The following SORCS1 variants were observed in gnomAD, a reference collection of about 807,000 sequenced individuals.
SORCS1 encodes sortilin related VPS10 domain containing receptor 1.
SORCS1 carries 60 observed loss-of-function variants against 146.1 expected under a neutral mutation model. The observed-to-expected ratio is 0.41, with a 90% CI of 0.33 to 0.51. SORCS1 has a LOEUF of 0.51. SORCS1 is among the 20% of genes least tolerant of loss of function. SORCS1 has a pLI of 0.21. For missense variants in SORCS1, 1,352 were observed against 1,487.6 expected (o/e 0.91, Z 1.50); for synonymous variants, 637 against 584.0 (o/e 1.09, Z -1.31).
chr10:107,130,184 C>T (rs1369856315), intron 1 of SORCS1, among the ~76,000 whole-genome samples: 1 of 152,120 alleles, frequency 6.6e-6, no homozygotes, highest in African/African-American at 2.4e-5. Context: ...AGTCAAACCA[C>T]CAATAATGAG....
intron 1 of SORCS1, among the ~76,000 whole-genome samples, chr10:107,152,944 G>A (rs143187193): frequency 7.6e-4 from 116 of 151,988 alleles, no homozygotes; most frequent in African/African-American, 2.6e-3. Flanking sequence ...TGGTCTCTCC[G>A]TGTCTCTTTG....
chr10:106,590,642 C>T (rs1439709212), intron 24 of SORCS1, among the ~76,000 whole-genome samples: 1 of 152,074 alleles, frequency 6.6e-6, no homozygotes, highest in African/African-American at 2.4e-5. Context: ...AAAATGACAT[C>T]ATAGCTGTTT....
chr10:106,747,572 A>G (rs1469883384), intron 5 of SORCS1, among the ~76,000 whole-genome samples: 1 of 151,736 alleles, frequency 6.6e-6, no homozygotes, highest in African/African-American at 2.4e-5. Flanking sequence ...AAATAAGTCA[A>G]CCTTCAGTTT....
Position 106,760,619 on chromosome 10 carries a change from T to C in SORCS1, c.959+969A>G, listed in dbSNP as rs151069276. 3.4e-4 allele frequency among the ~76,000 whole-genome samples: 51 copies of C among 151,820 alleles called. No homozygotes were observed. In the East Asian group the frequency reaches 8.6e-3, roughly 26 times the overall value. On this transcript the variant is annotated intron_variant, in intron 5 of 25. Coordinates refer to ENST00000263054, the MANE Select transcript of SORCS1 (RefSeq NM_052918.5). Reference sequence around the variant, plus strand: ...AGCCTCCAGAACAACGAAGAATAAATATCCGTTGTTTAAGCCACCCAGTCT... The same window carrying C: ...AGCCTCCAGAACAACGAAGAATAAACATCCGTTGTTTAAGCCACCCAGTCT...
intron 2 of SORCS1, among the ~76,000 whole-genome samples, chr10:106,830,504 C>A (rs1948492486): frequency 6.7e-6 from 1 of 149,740 alleles, no homozygotes; most frequent in South Asian, 2.1e-4. Context: ...AAATGGACAG[C>A]TAGAAATTGA....
chr10:107,164,373 T>G lies in SORCS1; in HGVS notation c.154A>C (p.Thr52Pro), dbSNP rs1455480234. Reference protein sequence around the residue: ...HPSSAPRSASTPRGFSHQGRP... With the variant: ...HPSSAPRSASPPRGFSHQGRP... ...CCCTGGTGGGAAAAGCCCCTAGGGG[T>G]CGAGGCCGAGCGTGGAGCGGAGCTG... Residue 52 changes from threonine to proline, a missense_variant, in exon 1 of 26, where the codon ACC becomes CCC. Coordinates refer to ENST00000263054, the MANE Select transcript of SORCS1 (RefSeq NM_052918.5). The surrounding 1 kb of genome is among the most constrained non-coding windows in gnomAD (Gnocchi z 6.8). 4.1e-6 allele frequency: 6 copies of G among 1,474,602 alleles called. No homozygotes were observed. Among genetic ancestry groups the G allele is most frequent in the Non-Finnish European group, 5.4e-6 (6 of 1,116,870 alleles). The allele number at this position is 1,474,602 out of a possible 1,614,324, so 91.3% of individuals were successfully genotyped here.
At position 106,786,194 on chromosome 10, in the gene SORCS1, A is replaced by G. The variant is rs148324179; in HGVS notation, c.727-9502T>C. Among the ~76,000 whole-genome samples the G allele has an allele frequency of 5.6e-3, 856 of 152,360 alleles. 4 individuals carry two copies. The highest frequency in any genetic ancestry group is 6.8e-3 in the Middle Eastern group (2 of 294). On this transcript the variant is annotated intron_variant, in intron 3 of 25. Transcript: ENST00000263054. ...TATGTATTGTATAACAATCTATCTCAGAACAGTGGCTTCAAACAAGCATTT... is the reference window on the plus strand; with the variant it reads ...TATGTATTGTATAACAATCTATCTCGGAACAGTGGCTTCAAACAAGCATTT...
chr10:107,043,778 T>C (rs1408405239), intron 1 of SORCS1, among the ~76,000 whole-genome samples: 2 of 152,186 alleles, frequency 1.3e-5, no homozygotes, highest in Admixed American at 6.5e-5. Flanking sequence ...GAGTGTTTCA[T>C]TGTGGGATTT....
intron 3 of SORCS1, among the ~76,000 whole-genome samples, chr10:106,812,610 A>G (rs751979273): frequency 7.9e-5 from 12 of 152,206 alleles, no homozygotes; most frequent in Non-Finnish European, 1.5e-4. Flanking sequence ...TCTGATATAG[A>G]AAAAGTGTCT....
intron 1 of SORCS1, among the ~76,000 whole-genome samples, chr10:107,159,430 A>G (rs1969539354): frequency 6.6e-6 from 1 of 152,226 alleles, no homozygotes; most frequent in Non-Finnish European, 1.5e-5. Context: ...CTACGTATCT[A>G]ATTTTTGTAT....
intron 5 of SORCS1, among the ~76,000 whole-genome samples, chr10:106,743,004 C>A (rs986625990): frequency 6.6e-6 from 1 of 152,088 alleles, no homozygotes; most frequent in African/African-American, 2.4e-5. Flanking sequence ...CATGTAAACT[C>A]CTTGGCCAAG....
At chr10:106,677,457 G>A (rs1852120985) in intron 12 of SORCS1, 53 bp from the exon 13 acceptor site, 1 of 1,491,072 alleles carries the variant, frequency 6.7e-7, no homozygotes, top group African/African-American at 1.4e-5. Flanking sequence ...CACATACCCA[G>A]GCTTCAGAGA....
chr10:106,735,307 A>T lies in SORCS1; in HGVS notation c.960-5193T>A, dbSNP rs541033414. ...AATTCAATTATTTATTCATTTATTTAGTCAGTGAAACATTCCAAACCCCTA... is the reference window on the plus strand; with the variant it reads ...AATTCAATTATTTATTCATTTATTTTGTCAGTGAAACATTCCAAACCCCTA... On this transcript the variant is annotated intron_variant, in intron 5 of 25. Coordinates refer to ENST00000263054, the MANE Select transcript of SORCS1 (RefSeq NM_052918.5). 3.5e-4 allele frequency among the ~76,000 whole-genome samples: 54 copies of T among 152,338 alleles called. No individual in the cohort carries two copies. The South Asian group carries it at 0.011, about 31-fold the overall frequency.
chr10:106,630,963 A>G (rs1848407387), intron 18 of SORCS1, among the ~76,000 whole-genome samples: 1 of 152,202 alleles, frequency 6.6e-6, no homozygotes, highest in Non-Finnish European at 1.5e-5. Context: ...ATCCTTTAAC[A>G]AATTTTGTTG....
chr10:106,913,230 C>G (rs1228936791), intron 2 of SORCS1, among the ~76,000 whole-genome samples: 1 of 152,124 alleles, frequency 6.6e-6, no homozygotes, highest in Non-Finnish European at 1.5e-5. Flanking sequence ...GAAAGGGACA[C>G]AAATTTAGAA....
chr10:106,651,303 C>T (rs1345713784), intron 18 of SORCS1, among the ~76,000 whole-genome samples: 2 of 152,202 alleles, frequency 1.3e-5, no homozygotes, highest in Non-Finnish European at 2.9e-5. Flanking sequence ...CTTCTTGTCA[C>T]ACTCCAGAGC....
At chr10:106,599,122 T>A (rs752773766) in intron 23 of SORCS1, among the ~76,000 whole-genome samples, 18 of 152,142 alleles carry the variant, frequency 1.2e-4, no homozygotes, top group Non-Finnish European at 1.9e-4. Flanking sequence ...GTGGCTCACT[T>A]TGGGAGGCTG....
At chr10:106,971,299 G>A (rs1455905350) in intron 1 of SORCS1, among the ~76,000 whole-genome samples, 2 of 152,160 alleles carry the variant, frequency 1.3e-5, no homozygotes, top group Admixed American at 6.5e-5. Flanking sequence ...AGAATTCCAT[G>A]TGAACTAATA....
intron 3 of SORCS1, among the ~76,000 whole-genome samples, chr10:106,800,416 T>A (rs932257014): frequency 1.3e-5 from 2 of 150,758 alleles, no homozygotes; most frequent in Admixed American, 6.6e-5. Flanking sequence ...TACAATACCA[T>A]ACACAAGGGA....
Sources: gnomAD v4.1 joint callset for allele counts (sites outside exome capture counted in the v4.1 genomes callset) on GRCh38, gnomAD v4.1.1 for gene constraint, Gnocchi (gnomAD v3.1) non-coding constraint, MANE v1.5 for transcripts, NCBI Gene and HGNC (gene_info 2026-07-23, HGNC 2026-07-21) for gene names.